The following RAB11FIP1 variants were observed in gnomAD, a reference collection of about 807,000 sequenced individuals.
RAB11FIP1 encodes rab11 family-interacting protein 1.
A neutral mutation model predicts 83.1 loss-of-function variants in RAB11FIP1; 49 were observed. That is an observed-to-expected ratio of 0.59 (90% CI 0.47 to 0.75). The LOEUF (loss-of-function observed/expected upper bound fraction) is 0.75. Among genes scored for constraint, RAB11FIP1 ranks in the 30% least tolerant of loss-of-function variants. The pLI is 0.00. For synonymous variants in RAB11FIP1, 670 were observed against 656.0 expected (o/e 1.02, Z -0.33); for missense variants, 1,536 against 1,598.7 (o/e 0.96, Z 0.67).
In RAB11FIP1 at chr8:37,871,337, G is replaced by A. The variant is rs551378650; in HGVS notation, c.3465C>T (p.Pro1155=). 1.5e-5 allele frequency: 24 copies of A among 1,614,096 alleles called. No individual in the cohort carries two copies. Among genetic ancestry groups the A allele is most frequent in the African/African-American group, 1.5e-4 (11 of 75,066 alleles). ...GAGCTGAGACTGGATGTGTCTCCGA[G>A]GGTGAGACCCAGGCCTGGAGGAGTG... ...RKPLLQAWVS[P]SETHPVSAQP... The change falls in exon 4 of 6, where the codon CCC becomes CCT. Residue 1155 remains proline, a synonymous_variant. Transcript: ENST00000330843.
intron 1 of RAB11FIP1, among the ~76,000 whole-genome samples, chr8:37,890,589 G>T (rs1229784195): frequency 6.6e-6 from 1 of 152,036 alleles, no homozygotes; most frequent in Admixed American, 6.6e-5. Context: ...GGTGAAAACT[G>T]CCTCCTTTGC....
intron 5 of RAB11FIP1, among the ~76,000 whole-genome samples, chr8:37,865,915 T>A (rs1200200637): frequency 6.6e-6 from 1 of 152,230 alleles, no homozygotes; most frequent in Non-Finnish European, 1.5e-5. Flanking sequence ...TGAAAATGTG[T>A]ACACACTTAA....
intron 3 of RAB11FIP1, among the ~76,000 whole-genome samples, chr8:37,873,794 TTTAAAGTGG>T (rs1806539621): frequency 6.6e-6 from 1 of 151,738 alleles, no homozygotes; most frequent in Admixed American, 6.6e-5. Flanking sequence ...ACCTAAAAGG[TTTAAAGTGG>T]TTAAAGATGT....
rs554290060 is a variant in RAB11FIP1 at position 37,886,851 on chromosome 8, A to T, written c.372-9300T>A. 2.4e-3 allele frequency among the ~76,000 whole-genome samples: 361 copies of T among 152,326 alleles called. 2 individuals are homozygous for T. The highest frequency in any genetic ancestry group is 8.2e-3 in the African/African-American group (339 of 41,574). On this transcript the variant is annotated intron_variant, in intron 1 of 5. Transcript: ENST00000330843. ...CAGTTGAGAACATCTTTTAAAAAGG[A>T]TCTGAAAAGGAGTGATTGCATATGG...
intron 5 of RAB11FIP1, among the ~76,000 whole-genome samples, chr8:37,870,156 A>AT (rs1806421574): frequency 6.6e-6 from 1 of 152,006 alleles, no homozygotes; most frequent in Non-Finnish European, 1.5e-5. Flanking sequence ...TTTTTAAATA[A>AT]TTTTTTTAAA....
chr8:37,882,580 G>T (rs552331163), intron 1 of RAB11FIP1, among the ~76,000 whole-genome samples: 1 of 152,188 alleles, frequency 6.6e-6, no homozygotes. Flanking sequence ...CTTACTTTCG[G>T]GAACGTCCTA....
At chr8:37,885,913 G>A (rs1204783451) in intron 1 of RAB11FIP1, among the ~76,000 whole-genome samples, 2 of 152,196 alleles carry the variant, frequency 1.3e-5, no homozygotes, top group Non-Finnish European at 2.9e-5. Flanking sequence ...TCGGAATGTG[G>A]CAGGGTCAGG....
rs1354399695 is a variant in RAB11FIP1, at chr8:37,874,610, C to G, written c.1527G>C (p.Gln509His). 5 of 1,614,206 alleles carry G rather than the reference C, an allele frequency of 3.1e-6. No homozygotes were observed. The East Asian group carries it at 1.1e-4, about 36-fold the overall frequency. Reference protein sequence around the residue: ...GSSLNLFEDVQITEPEAEPES... With the variant: ...GSSLNLFEDVHITEPEAEPES... ...CTGGCTCAGCTTCTGGTTCTGTGAT[C>G]TGCACATCTTCAAAGAGGTTCAGGG... Residue 509 changes from glutamine (Q) to histidine (H), a missense_variant, in exon 3 of 6, where the codon CAG becomes CAC. Physicochemically the swap from Gln to His is conservative, Grantham distance 24. Transcript: ENST00000330843.
intron 1 of RAB11FIP1, among the ~76,000 whole-genome samples, chr8:37,883,549 T>G (rs1478594959): frequency 6.6e-6 from 1 of 152,254 alleles, no homozygotes; most frequent in Non-Finnish European, 1.5e-5. Flanking sequence ...AGAAGCATAC[T>G]TTGATAAGAC....
In RAB11FIP1 at chr8:37,872,239, C is replaced by A. The variant is rs778160353; in HGVS notation, c.2563G>T (p.Glu855Ter). ...TCTGAGTCCTCTGCGTGGGGAGACT[C>A]AGGAGGCTCTCCGTCAGACGCGTTT... Reference protein sequence around the residue: ...AGNASDGEPPESPHAEDSERE... With the variant: ...AGNASDGEPP The change falls in exon 4 of 6, where the codon GAG becomes TAG. Residue 855 changes from glutamate (E) to a stop codon, truncating the protein, a stop_gained. Transcript: ENST00000330843. LOFTEE classifies it high-confidence loss of function. 26 of 1,613,948 alleles carry A rather than the reference C, an allele frequency of 1.6e-5. No homozygotes were observed. The highest frequency in any genetic ancestry group is 8.5e-7 in the Non-Finnish European group (1 of 1,179,988).
intron 1 of RAB11FIP1, among the ~76,000 whole-genome samples, chr8:37,884,979 C>T (rs1056493379): frequency 2.0e-5 from 3 of 151,286 alleles, no homozygotes; most frequent in South Asian, 4.2e-4. Flanking sequence ...CCATTGCACT[C>T]GGCCTATATT....
At chr8:37,885,055 C>T (rs1054040050) in intron 1 of RAB11FIP1, among the ~76,000 whole-genome samples, 3 of 149,632 alleles carry the variant, frequency 2.0e-5, no homozygotes, top group Non-Finnish European at 3.0e-5. Context: ...AGTGCAGTGG[C>T]GTGATCTCGG....
chr8:37,880,622 G>A (rs1423084252), intron 1 of RAB11FIP1, among the ~76,000 whole-genome samples: 1 of 152,058 alleles, frequency 6.6e-6, no homozygotes, highest in East Asian at 1.9e-4. Flanking sequence ...TTAGCTGGGT[G>A]CAGTGGTGCG....
chr8:37,882,827 A>G (rs1485130246), intron 1 of RAB11FIP1, among the ~76,000 whole-genome samples: 1 of 152,176 alleles, frequency 6.6e-6, no homozygotes, highest in Admixed American at 6.5e-5. Flanking sequence ...TTTTTGAGCA[A>G]AACTACAACC....
chr8:37,875,216 A>G lies in RAB11FIP1; in HGVS notation c.921T>C (p.Ser307=), dbSNP rs746327034. 2.5e-6 allele frequency: 4 copies of G among 1,614,188 alleles called. No homozygotes were observed. The South Asian group carries it at 3.3e-5, about 13-fold the overall frequency. Residue 307 remains serine (S), a synonymous_variant, in exon 3 of 6, where the codon TCT becomes TCC. Transcript: ENST00000330843. ...EGLSFLGGLR[S]KNDVLSRSNV... is the part of the protein sequence containing the mutation. ...TAGAGCGGGAAAGGACATCATTCTT[A>G]GACCGAAGGCCACCAAGAAAGGAAA... is the stretch of plus-strand genomic sequence containing the variant.
intron 5 of RAB11FIP1, among the ~76,000 whole-genome samples, chr8:37,868,135 A>C (rs1806379201): frequency 1.3e-5 from 2 of 152,124 alleles, no homozygotes. Flanking sequence ...TAAAAAACAA[A>C]ACAAGGCTGG....
chr8:37,885,748 G>A (rs1443458849), intron 1 of RAB11FIP1, among the ~76,000 whole-genome samples: 1 of 152,210 alleles, frequency 6.6e-6, no homozygotes, highest in Non-Finnish European at 1.5e-5. Flanking sequence ...TGGGAAGCCC[G>A]TGCCTGCATC....
At chr8:37,884,342 C>T (rs536597386) in intron 1 of RAB11FIP1, among the ~76,000 whole-genome samples, 3 of 151,914 alleles carry the variant, frequency 2.0e-5, no homozygotes, top group Non-Finnish European at 4.4e-5. Context: ...GGAATACAGG[C>T]GTGAGCTACC....
rs1318463762 is a variant in RAB11FIP1, at chr8:37,860,934, C to T, written c.*1961G>A. The T allele has an allele frequency of 6.6e-6, 1 of 152,594 alleles. No homozygotes were observed. Among genetic ancestry groups the T allele is most frequent in the African/African-American group, 2.4e-5 (1 of 41,428 alleles). The allele number at this position is 152,594 out of a possible 1,614,324, so 9.5% of individuals were successfully genotyped here. A position where few individuals can be genotyped will look rare whatever the true frequency, so the allele number is the denominator to read the frequency against. ...TGCCAATGATTTTGTCTCTTAACCT[C>T]AATGTAACAAGGACACACATAAAAG... On this transcript the variant is annotated 3_prime_UTR_variant, in exon 6 of 6. Transcript: ENST00000330843.
Sources: allele counts gnomAD v4.1 joint callset (sites outside exome capture counted in the v4.1 genomes callset), GRCh38; gene constraint gnomAD v4.1.1; transcripts MANE v1.5; gene names NCBI Gene and HGNC (gene_info 2026-07-23, HGNC 2026-07-21).